Variants in PKHD1 observed in about 807,000 individuals in gnomAD.
PKHD1 encodes PKHD1 ciliary IPT domain containing fibrocystin/polyductin.
Under a neutral mutation model 412.0 loss-of-function variants are expected in PKHD1, and 291 were observed. That is an observed-to-expected ratio of 0.71 (90% CI 0.64 to 0.78). The LOEUF is 0.78. Ranked by LOEUF, PKHD1 falls within the 30% of genes least tolerant of loss-of-function variation. The pLI is 0.00. For missense variants in PKHD1, 4,825 were observed against 4,950.7 expected, an observed-to-expected ratio of 0.97 and a Z score of 0.76; for synonymous variants, 1,777 against 1,821.5, an observed-to-expected ratio of 0.98 and a Z score of 0.62.
chr6:51,714,660 A>G (rs1322913333), intron 60 of PKHD1, among the ~76,000 whole-genome samples: 1 of 152,196 alleles, frequency 6.6e-6, no homozygotes, highest in Non-Finnish European at 1.5e-5. Flanking sequence ...CTCAATACCT[A>G]CCTGTGGCTA....
Position 52,046,050 on chromosome 6 carries a change from G to A in PKHD1, c.2546C>T (p.Thr849Ile). ...DLYTCYEHVW[T>I]LSWSTQIGDL... ...CCCAATCTGAGTGGACCAGGACAAG[G>A]TCCACACGTGTTCGTAGCAAGTGTA... is the stretch of plus-strand genomic sequence containing the variant. The change falls in exon 24 of 67, where the codon ACC (threonine) becomes ATC (isoleucine). Residue 849 changes from threonine (T) to isoleucine (I), a missense_variant. By Grantham distance (89) the Thr-to-Ile change is moderately conservative. Transcript: ENST00000371117. 1 of 1,613,750 alleles carries A rather than the reference G, an allele frequency of 6.2e-7. No individual in the cohort carries two copies. The highest frequency in any genetic ancestry group is 2.2e-5 in the East Asian group (1 of 44,872).
In PKHD1 at chr6:51,809,338, C is replaced by T. The variant is rs79400649; in HGVS notation, c.8303-17965G>A. Among the ~76,000 whole-genome samples, 466 of 152,010 alleles carry T rather than the reference C, an allele frequency of 3.1e-3. 3 individuals carry two copies. The highest frequency in any genetic ancestry group is 9.3e-3 in the African/African-American group (386 of 41,478). On this transcript the variant is annotated intron_variant, in intron 52 of 66. Coordinates refer to ENST00000371117, the MANE Select transcript of PKHD1 (RefSeq NM_138694.4). ...AGTATTTTCCCACTGTTTTGAAATG[C>T]CATCTTAATTACTAAGTACATTCTT... is the stretch of plus-strand genomic sequence containing the variant.
At chr6:51,949,180 C>T (rs539640316) in intron 36 of PKHD1, among the ~76,000 whole-genome samples, 1 of 152,178 alleles carries the variant, frequency 6.6e-6, no homozygotes, top group Non-Finnish European at 1.5e-5. Flanking sequence ...AACTAATTTA[C>T]TTGCCTACAT....
chr6:52,071,996 A>C (rs986489039), intron 8 of PKHD1, 119 bp downstream of exon 8: 2 of 731,258 alleles, frequency 2.7e-6, no homozygotes, highest in Non-Finnish European at 5.0e-6. Context: ...TGTGTGATTT[A>C]TATTTTAAAA....
chr6:51,631,954 T>TA (rs3061631), intron 65 of PKHD1, among the ~76,000 whole-genome samples: 1 of 150,210 alleles, frequency 6.7e-6, no homozygotes, highest in Non-Finnish European at 1.5e-5. Context: ...TTTTTTTTTT[T>TA]ATTGTGACAG....
intron 61 of PKHD1, among the ~76,000 whole-genome samples, chr6:51,655,881 CT>C (rs2150396348): frequency 6.6e-6 from 1 of 152,280 alleles, no homozygotes; most frequent in Admixed American, 6.5e-5. Context: ...CACTTTTACA[CT>C]GTTGGTGGGA....
chr6:51,919,215 C>T (rs1184760094), intron 37 of PKHD1, among the ~76,000 whole-genome samples: 1 of 152,204 alleles, frequency 6.6e-6, no homozygotes, highest in East Asian at 1.9e-4. Context: ...TGCCTACGTC[C>T]TGAATGGTAT....
intron 26 of PKHD1, among the ~76,000 whole-genome samples, chr6:52,043,411 C>T (rs1020004666): frequency 6.6e-6 from 1 of 152,180 alleles, no homozygotes; most frequent in African/African-American, 2.4e-5. Flanking sequence ...GACAATAAAA[C>T]ATTTTTAGTC....
chr6:51,851,383 T>C (rs1254900818), intron 49 of PKHD1, among the ~76,000 whole-genome samples: 1 of 152,150 alleles, frequency 6.6e-6, no homozygotes, highest in Non-Finnish European at 1.5e-5. Flanking sequence ...CTCTTCCCAG[T>C]TTTGGTATCA....
At chr6:51,956,305 CGTGTGTGTGTGT>C (rs3062566) in intron 36 of PKHD1, among the ~76,000 whole-genome samples, 9 of 150,326 alleles carry the variant, frequency 6.0e-5, no homozygotes, top group African/African-American at 2.2e-4. Context: ...CTTATACATA[CGTGTGTGTGTGT>C]GTGTGTGTGT....
At chr6:51,744,076 C>T (rs962488643) in intron 60 of PKHD1, among the ~76,000 whole-genome samples, 1 of 152,252 alleles carries the variant, frequency 6.6e-6, no homozygotes, top group Non-Finnish European at 1.5e-5. Context: ...ATGATGGCTG[C>T]TTCAGGCCCA....
At chr6:51,794,295 T>A (rs1794236515) in intron 52 of PKHD1, among the ~76,000 whole-genome samples, 1 of 152,174 alleles carries the variant, frequency 6.6e-6, no homozygotes, top group Non-Finnish European at 1.5e-5. Flanking sequence ...ATGTTAAGCT[T>A]TTTTTCATAT....
At position 51,711,106 on chromosome 6, in the gene PKHD1, A is replaced by G. The variant is rs939816253; in HGVS notation, c.10156+33279T>C. Among the ~76,000 whole-genome samples the G allele has an allele frequency of 2.0e-5, 3 of 152,204 alleles. No individual in the cohort carries two copies. The East Asian group carries it at 5.8e-4, about 29-fold the overall frequency. On this transcript the variant is annotated intron_variant, in intron 60 of 66. Transcript: ENST00000371117. Reference sequence around the variant, plus strand: ...ATGAGATGAACCACTTAGCATTCATACGTGTGCAACCAAGAAGTGTTGGTG... The same window carrying G: ...ATGAGATGAACCACTTAGCATTCATGCGTGTGCAACCAAGAAGTGTTGGTG...
intron 27 of PKHD1, among the ~76,000 whole-genome samples, chr6:52,039,398 TG>T (rs1804466720): frequency 6.6e-6 from 1 of 152,174 alleles, no homozygotes; most frequent in African/African-American, 2.4e-5. Context: ...TCAGAAAACC[TG>T]GTTGTTTAAA....
chr6:52,033,485 G>C (rs1803406997), intron 28 of PKHD1, among the ~76,000 whole-genome samples: 1 of 151,976 alleles, frequency 6.6e-6, no homozygotes, highest in Admixed American at 6.6e-5. Flanking sequence ...CAAAAATATG[G>C]CAATTTCAAA....
In PKHD1 at chr6:51,749,615, C is replaced by A. The variant is rs186456548; in HGVS notation, c.8951-950G>T. 1.5e-3 allele frequency among the ~76,000 whole-genome samples: 235 copies of A among 152,192 alleles called. 1 individual carries two copies. Among genetic ancestry groups the A allele is most frequent in the African/African-American group, 5.3e-3 (222 of 41,522 alleles). On this transcript the variant is annotated intron_variant, in intron 57 of 66. Coordinates refer to ENST00000371117, the MANE Select transcript of PKHD1 (RefSeq NM_138694.4). ...TCTTATTCATTTATTTATTCATACT[C>A]CTAATTTTCAAAAAAATCCTATGAG...
intron 35 of PKHD1, among the ~76,000 whole-genome samples, chr6:52,003,166 C>T (rs572352287): frequency 1.3e-5 from 2 of 152,046 alleles, no homozygotes; most frequent in South Asian, 2.1e-4. Flanking sequence ...GAGAATCTTC[C>T]TAAGGGAGAT....
intron 63 of PKHD1, 27 bp from the exon 64 acceptor site, chr6:51,638,983 A>T: frequency 6.8e-7 from 1 of 1,469,608 alleles, no homozygotes; most frequent in South Asian, 1.1e-5. Context: ...AACAAAAATT[A>T]GCTGTTTATT....
rs767763926 is a variant in PKHD1, at chr6:51,748,306, A to G, written c.9310T>C (p.Phe3104Leu). Residue 3104 changes from phenylalanine (F) to leucine (L), a missense_variant, in exon 58 of 67, where the codon TTT becomes CTT. Coordinates refer to ENST00000371117, the MANE Select transcript of PKHD1 (RefSeq NM_138694.4). ...GAGCACTTGTGGCCTCGGATGTGAA[A>G]GCCAAGTCTCTCTGATCCTGCCACA... ...NVVAGSERLG[F>L]HIRGHKCSSC... The G allele has an allele frequency of 1.2e-6, 2 of 1,614,056 alleles. No individual in the cohort carries two copies. The highest frequency in any genetic ancestry group is 1.1e-5 in the South Asian group (1 of 91,074).
Sources: allele counts gnomAD v4.1 joint callset (sites outside exome capture counted in the v4.1 genomes callset), GRCh38; gene constraint gnomAD v4.1.1; transcripts MANE v1.5; gene names NCBI Gene and HGNC (gene_info 2026-07-23, HGNC 2026-07-21).